FOXP2: variants seen among roughly 807,000 people sequenced by gnomAD.
FOXP2 encodes the protein forkhead box protein P2.
FOXP2 carries 12 observed loss-of-function variants against 115.8 expected under a neutral mutation model. That is an observed-to-expected ratio of 0.10 (90% CI 0.07 to 0.17). FOXP2 has a LOEUF of 0.17. Among genes scored for constraint, FOXP2 ranks in the 10% least tolerant of loss-of-function variants. The pLI is 1.00. For synonymous variants in FOXP2, 328 were observed against 297.7 expected (o/e 1.10, Z -1.05); for missense variants, 629 against 843.5 (o/e 0.75, Z 3.15).
At chr7:114,148,511 G>A (rs1051164309) in intron 1 of FOXP2, among the ~76,000 whole-genome samples, 1 of 151,996 alleles carries the variant, frequency 6.6e-6, no homozygotes, top group East Asian at 1.9e-4. Flanking sequence ...CCAAATGCTC[G>A]TATTAATAAT....
intron 13 of FOXP2, among the ~76,000 whole-genome samples, chr7:114,661,288 G>A (rs1420912429): frequency 6.6e-6 from 1 of 151,910 alleles, no homozygotes; most frequent in African/African-American, 2.4e-5. Context: ...GTGGTCTACT[G>A]TATATTTATT....
rs1585032702 is a variant in FOXP2 at position 114,690,037 on chromosome 7, A to G, written c.*111A>G. On this transcript the variant is annotated 3_prime_UTR_variant, in exon 17 of 17. Transcript: ENST00000350908. Reference sequence around the variant, plus strand: ...TACTGTGACTATTTATTAAGCATGGATAAAGGAGACAGCCCTAAAGGAACT... The same window carrying G: ...TACTGTGACTATTTATTAAGCATGGGTAAAGGAGACAGCCCTAAAGGAACT... 4 of 1,363,186 alleles carry G rather than the reference A, an allele frequency of 2.9e-6. No homozygotes were observed. The highest frequency in any genetic ancestry group is 4.1e-6 in the Non-Finnish European group (4 of 968,218). 84.4% of individuals were successfully genotyped at this position (1,363,186 alleles called of 1,614,324 possible).
chr7:114,479,989 G>C (rs1391574772), intron 2 of FOXP2, among the ~76,000 whole-genome samples: 1 of 151,322 alleles, frequency 6.6e-6, no homozygotes, highest in Non-Finnish European at 1.5e-5. Flanking sequence ...CCAACCGTCT[G>C]CTTCTTTCTA....
At chr7:114,208,726 T>A (rs1025049379) in intron 1 of FOXP2, among the ~76,000 whole-genome samples, 2 of 152,020 alleles carry the variant, frequency 1.3e-5, no homozygotes, top group African/African-American at 4.8e-5. Context: ...AGTGAATAAG[T>A]CTCATGAGAT....
chr7:114,120,709 T>TGTGTGA (rs1791539932), intron 1 of FOXP2, among the ~76,000 whole-genome samples: 1 of 151,864 alleles, frequency 6.6e-6, no homozygotes, highest in African/African-American at 2.4e-5. Context: ...TGTGTGTGTG[T>TGTGTGA]GTGTGTGTAT....
chr7:114,648,416 A>G (rs1476844114), intron 8 of FOXP2, among the ~76,000 whole-genome samples: 1 of 152,114 alleles, frequency 6.6e-6, no homozygotes, highest in Non-Finnish European at 1.5e-5. Context: ...CAAGTGAAAC[A>G]TTTTGTTAAA....
chr7:114,470,727 C>T (rs1040684638), intron 2 of FOXP2, among the ~76,000 whole-genome samples: 1 of 152,042 alleles, frequency 6.6e-6, no homozygotes, highest in Non-Finnish European at 1.5e-5. Context: ...TTTTATTATA[C>T]CCAACACATT....
At chr7:114,538,298 C>T (rs935591324) in intron 3 of FOXP2, 5 of 1,289,078 alleles carry the variant, frequency 3.9e-6, no homozygotes, top group Non-Finnish European at 4.1e-6. Context: ...GAAAATTGGT[C>T]GCATTATTGT....
chr7:114,491,993 C>T (rs1461031655), intron 2 of FOXP2, among the ~76,000 whole-genome samples: 1 of 152,182 alleles, frequency 6.6e-6, no homozygotes, highest in Non-Finnish European at 1.5e-5. Context: ...ATGGTACCAG[C>T]TCCTCCTTAT....
chr7:114,163,834 T>C (rs1423440629), intron 1 of FOXP2, among the ~76,000 whole-genome samples: 2 of 152,236 alleles, frequency 1.3e-5, no homozygotes, highest in African/African-American at 4.8e-5. Flanking sequence ...GATAATGTGA[T>C]ATAATGGTTG....
At chr7:114,254,872 A>G (rs1795564241) in intron 1 of FOXP2, among the ~76,000 whole-genome samples, 1 of 152,132 alleles carries the variant, frequency 6.6e-6, no homozygotes, top group Non-Finnish European at 1.5e-5. Context: ...ACGCGCTCTC[A>G]TTTTTAGAAT....
At chr7:114,672,149 A>G (rs1807522285) in intron 16 of FOXP2, among the ~76,000 whole-genome samples, 1 of 152,180 alleles carries the variant, frequency 6.6e-6, no homozygotes, top group African/African-American at 2.4e-5. Flanking sequence ...AGACACTTAA[A>G]AGGTAGGAGG....
At chr7:114,583,500 C>G (rs1801972439) in intron 3 of FOXP2, among the ~76,000 whole-genome samples, 1 of 152,014 alleles carries the variant, frequency 6.6e-6, no homozygotes, top group Admixed American at 6.5e-5. Flanking sequence ...TGTACTGTGT[C>G]CAGATAATTG....
At position 114,515,569 on chromosome 7, in the gene FOXP2, G is replaced by T. The variant is rs1289551014; in HGVS notation, c.169-19048G>T. ...TGCCCACTTTTTGATGGGGTTGTTTGTTTTTTTCTTGTAAATTTGTTTGAG... is the reference window on the plus strand; with the variant it reads ...TGCCCACTTTTTGATGGGGTTGTTTTTTTTTTTCTTGTAAATTTGTTTGAG... On this transcript the variant is annotated intron_variant, in intron 2 of 16. Transcript: ENST00000350908. Among the ~76,000 whole-genome samples, 6 of 151,984 alleles carry T rather than the reference G, an allele frequency of 3.9e-5. No individual in the cohort carries two copies. In the East Asian group the frequency reaches 7.7e-4, roughly 20 times the overall value.
intron 3 of FOXP2, among the ~76,000 whole-genome samples, chr7:114,582,047 G>A (rs1801898674): frequency 2.0e-5 from 3 of 152,126 alleles, no homozygotes; most frequent in South Asian, 4.2e-4. Context: ...GGCTTGAGAC[G>A]AAAGCAAATT....
intron 2 of FOXP2, among the ~76,000 whole-genome samples, chr7:114,357,210 A>G (rs116990307): frequency 0.013 from 1,960 of 152,282 alleles, 19 homozygotes; most frequent in Non-Finnish European, 0.021. Context: ...TTATCGTTAC[A>G]TATATTTTGG....
intron 16 of FOXP2, among the ~76,000 whole-genome samples, chr7:114,673,886 G>C (rs1385502986): frequency 6.6e-6 from 1 of 152,160 alleles, no homozygotes; most frequent in African/African-American, 2.4e-5. Context: ...ATTTTTAGTA[G>C]AGACGGGGTT....
At chr7:114,447,570 C>G (rs771954206) in intron 2 of FOXP2, among the ~76,000 whole-genome samples, 1 of 152,212 alleles carries the variant, frequency 6.6e-6, no homozygotes, top group East Asian at 1.9e-4. Context: ...CTTAGATCTC[C>G]TAACAAGCTG....
chr7:114,621,034 A>AT (rs1487978221), intron 3 of FOXP2, among the ~76,000 whole-genome samples: 2 of 152,028 alleles, frequency 1.3e-5, no homozygotes, highest in African/African-American at 2.4e-5. Flanking sequence ...TTGACAGCCC[A>AT]TAAGTGTTTA....
Sources: allele counts gnomAD v4.1 joint callset (sites outside exome capture counted in the v4.1 genomes callset), GRCh38; gene constraint gnomAD v4.1.1; transcripts MANE v1.5; gene names NCBI Gene and HGNC (gene_info 2026-07-23, HGNC 2026-07-21).